Variants in SEC24B observed in about 807,000 individuals in gnomAD.
The protein encoded by SEC24B is SEC24 homolog B, COPII component.
Under a neutral mutation model 142.8 loss-of-function variants are expected in SEC24B, and 45 were observed. That is an observed-to-expected ratio of 0.32 (90% CI 0.25 to 0.40). The LOEUF (loss-of-function observed/expected upper bound fraction) is 0.40. Ranked by LOEUF, SEC24B falls within the 10% of genes least tolerant of loss-of-function variation. SEC24B has a pLI of 1.00. For missense variants in SEC24B, 1,409 were observed against 1,526.8 expected, an observed-to-expected ratio of 0.92 and a Z score of 1.29; for synonymous variants, 574 against 568.2, an observed-to-expected ratio of 1.01 and a Z score of -0.15.
At chr4:109,502,066 T>A (rs900461020) in intron 6 of SEC24B, among the ~76,000 whole-genome samples, 1 of 152,142 alleles carries the variant, frequency 6.6e-6, no homozygotes, top group African/African-American at 2.4e-5. Flanking sequence ...ATTGTAGAAG[T>A]TAGGTTTGAG....
At chr4:109,466,517 T>C (rs1284104282) in intron 2 of SEC24B, among the ~76,000 whole-genome samples, 1 of 152,158 alleles carries the variant, frequency 6.6e-6, no homozygotes, top group East Asian at 1.9e-4. Context: ...TTCATGCCGT[T>C]CTCCTGCCTC....
At chr4:109,471,336 G>A (rs1406499501) in intron 2 of SEC24B, among the ~76,000 whole-genome samples, 1 of 152,038 alleles carries the variant, frequency 6.6e-6, no homozygotes, top group Non-Finnish European at 1.5e-5. Flanking sequence ...GTAGAGATAG[G>A]GTTTTGCCGT....
intron 13 of SEC24B, 22 bp from the exon 14 acceptor site, chr4:109,521,398 T>C (rs1445673260): frequency 3.8e-6 from 6 of 1,584,338 alleles, no homozygotes; most frequent in Non-Finnish European, 5.2e-6. Context: ...AGTAATTCAA[T>C]TTTTGATCTT....
At chr4:109,531,599 ATACTAT>A in intron 20 of SEC24B, 77 bp downstream of exon 20, 1 of 1,106,870 alleles carries the variant, frequency 9.0e-7, no homozygotes, top group Non-Finnish European at 1.3e-6. Context: ...AGATGATAAT[ATACTAT>A]CAACTGGTTT....
At chr4:109,452,333 A>G (rs953276634) in intron 1 of SEC24B, among the ~76,000 whole-genome samples, 1 of 152,198 alleles carries the variant, frequency 6.6e-6, no homozygotes, top group African/African-American at 2.4e-5. Context: ...GTTATCAGAC[A>G]TCTTGGTTGT....
At chr4:109,457,819 T>C (rs1191045374) in intron 1 of SEC24B, among the ~76,000 whole-genome samples, 3 of 152,240 alleles carry the variant, frequency 2.0e-5, no homozygotes, top group African/African-American at 7.2e-5. Context: ...TATGTATATT[T>C]TATAAAGATA....
chr4:109,505,436 T>TA (rs1347254675), intron 6 of SEC24B, among the ~76,000 whole-genome samples: 19 of 152,188 alleles, frequency 1.2e-4, no homozygotes, highest in African/African-American at 3.9e-4. Context: ...CCATTAGAAA[T>TA]AAAGATTTGT....
At chr4:109,513,881 T>C in intron 10 of SEC24B, 25 bp downstream of exon 10, 3 of 1,398,804 alleles carry the variant, frequency 2.1e-6, no homozygotes, top group Non-Finnish European at 3.0e-6. Flanking sequence ...TTAAGATTTG[T>C]TATGGAACAC....
chr4:109,521,952 C>T (rs950505654), intron 14 of SEC24B, among the ~76,000 whole-genome samples: 2 of 151,836 alleles, frequency 1.3e-5, no homozygotes, highest in Non-Finnish European at 2.9e-5. Context: ...AGGCTGGTCT[C>T]GAACTCCTGG....
chr4:109,457,344 G>A (rs1015008397), intron 1 of SEC24B, among the ~76,000 whole-genome samples: 1 of 152,210 alleles, frequency 6.6e-6, no homozygotes, highest in Admixed American at 6.5e-5. Context: ...ATGACAGAAT[G>A]CCTGAGACTG....
chr4:109,502,910 TTGTG>T (rs1402627811), intron 6 of SEC24B, among the ~76,000 whole-genome samples: 1 of 152,204 alleles, frequency 6.6e-6, no homozygotes, highest in Non-Finnish European at 1.5e-5. Flanking sequence ...TTCACCATTG[TTGTG>T]TGTGTCTGCA....
At chr4:109,518,358 G>A (rs760594575) in intron 11 of SEC24B, among the ~76,000 whole-genome samples, 1 of 152,176 alleles carries the variant, frequency 6.6e-6, no homozygotes, top group African/African-American at 2.4e-5. Context: ...CAAGAGATGT[G>A]GCTTCAGGTT....
chr4:109,517,577 A>G (rs1283437430), intron 11 of SEC24B, among the ~76,000 whole-genome samples: 2 of 152,192 alleles, frequency 1.3e-5, no homozygotes, highest in African/African-American at 2.4e-5. Flanking sequence ...GAGAAATGCT[A>G]AGAGATGAGA....
chr4:109,517,010 G>T (rs1456033288), intron 11 of SEC24B, among the ~76,000 whole-genome samples: 1 of 152,068 alleles, frequency 6.6e-6, no homozygotes, highest in Non-Finnish European at 1.5e-5. Context: ...AAGGGAAACT[G>T]CACACTTTGG....
intron 1 of SEC24B, among the ~76,000 whole-genome samples, chr4:109,449,202 C>A (rs1372129631): frequency 6.6e-6 from 1 of 151,980 alleles, no homozygotes; most frequent in Non-Finnish European, 1.5e-5. Flanking sequence ...ATTGAAACAT[C>A]ATTGACTGAG....
intron 6 of SEC24B, among the ~76,000 whole-genome samples, chr4:109,497,106 C>T (rs976795908): frequency 6.6e-6 from 1 of 152,226 alleles, no homozygotes; most frequent in African/African-American, 2.4e-5. Flanking sequence ...CAGCCATGCC[C>T]ATTCTTCTAT....
In SEC24B at chr4:109,444,147, G is replaced by A. The variant is rs546568565; in HGVS notation, c.133+10145G>A. 5.7e-4 allele frequency among the ~76,000 whole-genome samples: 87 copies of A among 151,730 alleles called. 2 individuals are homozygous for A. The South Asian group carries it at 0.017, about 29-fold the overall frequency. ...TGTGGCTGGAGAATTGTTGGAACCC[G>A]GGAGGTGGAGGTTGCAGTGAACCGT... On this transcript the variant is annotated intron_variant, in intron 1 of 23. Coordinates refer to ENST00000265175, the MANE Select transcript of SEC24B (RefSeq NM_006323.5).
chr4:109,434,989 C>T (rs1329986067), intron 1 of SEC24B, among the ~76,000 whole-genome samples: 1 of 152,202 alleles, frequency 6.6e-6, no homozygotes, highest in African/African-American at 2.4e-5. Context: ...AGATGAGAAC[C>T]TTGGAAAGTA....
intron 10 of SEC24B, among the ~76,000 whole-genome samples, chr4:109,515,781 A>G (rs1318606294): frequency 6.6e-6 from 1 of 152,124 alleles, no homozygotes; most frequent in Admixed American, 6.5e-5. Context: ...GGCTCACACC[A>G]GTAATCCTAG....
Sources: gnomAD v4.1 joint callset for allele counts (sites outside exome capture counted in the v4.1 genomes callset) on GRCh38, gnomAD v4.1.1 for gene constraint, MANE v1.5 for transcripts, NCBI Gene and HGNC (gene_info 2026-07-23, HGNC 2026-07-21) for gene names.